The following PGM2 variants were observed in gnomAD, a reference collection of about 807,000 sequenced individuals.
PGM2 encodes phosphoglucomutase 2.
PGM2 carries 57 observed loss-of-function variants against 74.6 expected under a neutral mutation model. The observed-to-expected ratio is 0.76, with a 90% confidence interval of 0.62 to 0.95. The LOEUF (loss-of-function observed/expected upper bound fraction) is 0.95, where lower values mean the gene tolerates loss of function less well. PGM2 is among the 40% of genes least tolerant of loss of function. The pLI is 0.00. For synonymous variants in PGM2, 273 were observed against 260.7 expected (o/e 1.05, Z -0.46); for missense variants, 706 against 741.9 (o/e 0.95, Z 0.56).
rs1430228977 is a variant in PGM2 at position 37,851,961 on chromosome 4, G to GTTTTCTTTCT, written c.1602+1591_1602+1592insTCTTTCTTTT. On this transcript the variant is annotated intron_variant, in intron 12 of 13. Coordinates refer to ENST00000381967, the MANE Select transcript of PGM2 (RefSeq NM_018290.4). ...ATTGTATTTCCTGTACCTTTTGTTT[G>GTTTTCTTTCT]TTTGTTTTCTTTTTTTTTGGAGACA... Among the ~76,000 whole-genome samples the GTTTTCTTTCT allele has an allele frequency of 1.6e-3, 213 of 135,400 alleles. 28 individuals are homozygous for GTTTTCTTTCT. Among genetic ancestry groups the GTTTTCTTTCT allele is most frequent in the South Asian group, 2.3e-3 (10 of 4,432 alleles). The allele number at this position is 135,400 out of a possible 152,430, so 88.8% of individuals were successfully genotyped here.
rs1725482150 is a variant in PGM2 at position 37,833,283 on chromosome 4, T to C, written c.250-1335T>C. On this transcript the variant is annotated intron_variant, in intron 2 of 13. Coordinates refer to ENST00000381967, the MANE Select transcript of PGM2 (RefSeq NM_018290.4). ...CAAAATAAAAATTATGGCTTGGACATGGTGGCTCATGCCTGTAATCCGAGC... is the reference window on the plus strand; with the variant it reads ...CAAAATAAAAATTATGGCTTGGACACGGTGGCTCATGCCTGTAATCCGAGC... Among the ~76,000 whole-genome samples, 3 of 152,224 alleles carry C rather than the reference T, an allele frequency of 2.0e-5. No individual in the cohort carries two copies. In the South Asian group the frequency reaches 6.2e-4, roughly 31 times the overall value.
intron 1 of PGM2, among the ~76,000 whole-genome samples, chr4:37,827,802 G>C (rs933504946): frequency 6.6e-6 from 1 of 152,092 alleles, no homozygotes; most frequent in Non-Finnish European, 1.5e-5. Context: ...CAGGACTCGC[G>C]CTCCTTGAAG....
chr4:37,840,221 T>G lies in PGM2; in HGVS notation c.681T>G (p.Asn227Lys). ...LLHNPSASIN[N>K]DYFEDLKKYC... Reference sequence around the variant, plus strand: ...ACAATCCGAGTGCTTCCATCAATAATGACTACTTTGAAGACCTTAAAAAGT... The same window carrying G: ...ACAATCCGAGTGCTTCCATCAATAAGGACTACTTTGAAGACCTTAAAAAGT... The change falls in exon 6 of 14, where the codon AAT (asparagine) becomes AAG (lysine). Residue 227 changes from asparagine to lysine, a missense_variant. Physicochemically the swap from Asn to Lys is moderately conservative, Grantham distance 94. Around this residue, in one of 3 missense-constraint regions of PGM2, gnomAD observed 332 missense variants for 334.9 expected, o/e 0.99. Transcript: ENST00000381967. 1 of 1,612,470 alleles carries G rather than the reference T, an allele frequency of 6.2e-7. No homozygotes were observed. The highest frequency in any genetic ancestry group is 8.5e-7 in the Non-Finnish European group (1 of 1,178,466).
At chr4:37,844,212 A>AATATAT in intron 6 of PGM2, 152 bp from the exon 7 acceptor site, 1 of 499,912 alleles carries the variant, frequency 2.0e-6, no homozygotes, top group Non-Finnish European at 3.6e-6. Context: ...TGAGGGAAGG[A>AATATAT]ATATATATAT....
chr4:37,831,387 T>C (rs1281382793), intron 2 of PGM2, among the ~76,000 whole-genome samples: 1 of 152,184 alleles, frequency 6.6e-6, no homozygotes, highest in Non-Finnish European at 1.5e-5. Flanking sequence ...TAGGGCTATG[T>C]AACAAATCAT....
chr4:37,829,899 A>G, intron 1 of PGM2, 65 bp from the exon 2 acceptor site: 1 of 894,518 alleles, frequency 1.1e-6, no homozygotes, highest in South Asian at 2.2e-5. Flanking sequence ...ATGATTGTGA[A>G]TTTTTTTACA....
intron 6 of PGM2, among the ~76,000 whole-genome samples, chr4:37,841,997 T>C (rs918444157): frequency 1.4e-4 from 21 of 152,204 alleles, no homozygotes; most frequent in Non-Finnish European, 2.6e-4. Flanking sequence ...GTTGACAGCA[T>C]ATGATACCTA....
Position 37,836,718 on chromosome 4 carries a change from G to A in PGM2, c.357-811G>A, listed in dbSNP as rs541806370. On this transcript the variant is annotated intron_variant, in intron 3 of 13. Coordinates refer to ENST00000381967, the MANE Select transcript of PGM2 (RefSeq NM_018290.4). ...AAATCGCTCATTTATTTGTGGTAAC[G>A]TATTTTACACCAGCTTGAAGGAAGA... Among the ~76,000 whole-genome samples the A allele has an allele frequency of 2.0e-3, 302 of 152,150 alleles. 4 individuals are homozygous for A. The highest frequency in any genetic ancestry group is 3.8e-3 in the Non-Finnish European group (258 of 68,014).
At chr4:37,858,285 TAAGC>T (rs1438106639) in intron 13 of PGM2, among the ~76,000 whole-genome samples, 2 of 152,124 alleles carry the variant, frequency 1.3e-5, no homozygotes, top group African/African-American at 2.4e-5. Flanking sequence ...GGTCACGGCT[TAAGC>T]AAGGCACCAG....
chr4:37,834,770 C>A (rs752168001), intron 3 of PGM2, 46 bp downstream of exon 3: 7 of 961,304 alleles, frequency 7.3e-6, no homozygotes, highest in African/African-American at 6.7e-5. Flanking sequence ...ATTTATTTTG[C>A]AGTTTTATTT....
intron 13 of PGM2, among the ~76,000 whole-genome samples, chr4:37,856,161 G>A (rs1048020627): frequency 3.8e-4 from 58 of 151,938 alleles, no homozygotes; most frequent in Admixed American, 2.9e-3. Context: ...CGAGGCAGGC[G>A]GATCACGAGG....
intron 2 of PGM2, among the ~76,000 whole-genome samples, chr4:37,834,174 A>G (rs1457549928): frequency 6.6e-6 from 1 of 152,126 alleles, no homozygotes; most frequent in East Asian, 1.9e-4. Flanking sequence ...TCTACAAAAA[A>G]TTTTTAAAAA....
rs927902207 is a variant in PGM2 at position 37,829,630 on chromosome 4, A to G, written c.82-334A>G. 7.9e-5 allele frequency among the ~76,000 whole-genome samples: 12 copies of G among 152,164 alleles called. 1 individual carries two copies. The highest frequency in any genetic ancestry group is 6.5e-4 in the Admixed American group (10 of 15,270). On this transcript the variant is annotated intron_variant, in intron 1 of 13. Coordinates refer to ENST00000381967, the MANE Select transcript of PGM2 (RefSeq NM_018290.4). ...TTATTCCCATTTTGCAAATAGGGAAACAGAATTTGAGAACTGGAATAATCT... is the reference window on the plus strand; with the variant it reads ...TTATTCCCATTTTGCAAATAGGGAAGCAGAATTTGAGAACTGGAATAATCT...
intron 10 of PGM2, among the ~76,000 whole-genome samples, chr4:37,848,117 A>G (rs1159352464): frequency 6.6e-6 from 1 of 152,228 alleles, no homozygotes; most frequent in Non-Finnish European, 1.5e-5. Flanking sequence ...ACCTTAGCCT[A>G]CAGCAGCTTA....
intron 12 of PGM2, among the ~76,000 whole-genome samples, chr4:37,855,335 A>C (rs1170031506): frequency 6.6e-6 from 1 of 152,132 alleles, no homozygotes; most frequent in Non-Finnish European, 1.5e-5. Flanking sequence ...ACTCAACATA[A>C]TGTCTTCCAG....
intron 3 of PGM2, among the ~76,000 whole-genome samples, chr4:37,835,977 A>G (rs1050047911): frequency 1.3e-5 from 2 of 152,238 alleles, no homozygotes; most frequent in African/African-American, 4.8e-5. Flanking sequence ...TGGATGTACA[A>G]TCAGAACTAA....
At chr4:37,829,700 C>T (rs1307288708) in intron 1 of PGM2, among the ~76,000 whole-genome samples, 2 of 152,134 alleles carry the variant, frequency 1.3e-5, no homozygotes, top group African/African-American at 4.8e-5. Context: ...GGATTCCATT[C>T]TGGGGGTTAG....
intron 11 of PGM2, among the ~76,000 whole-genome samples, chr4:37,849,632 C>T (rs543648908): frequency 2.4e-4 from 37 of 152,080 alleles, no homozygotes; most frequent in South Asian, 6.2e-4. Context: ...TGGTCTCAAA[C>T]GCCTAACCTC....
In PGM2 at chr4:37,850,554, A is replaced by C. The variant is rs1726012889; in HGVS notation, c.1602+181A>C. On this transcript the variant is annotated intron_variant, in intron 12 of 13. Coordinates refer to ENST00000381967, the MANE Select transcript of PGM2 (RefSeq NM_018290.4). Reference sequence around the variant, plus strand: ...GGTGGCTCATGCCTATAATTCCAGCACTTTGGGAGGTTGAGGTGGGCAAAT... The same window carrying C: ...GGTGGCTCATGCCTATAATTCCAGCCCTTTGGGAGGTTGAGGTGGGCAAAT... Among the ~76,000 whole-genome samples the C allele has an allele frequency of 2.6e-5, 4 of 152,066 alleles. No individual in the cohort carries two copies. The South Asian group carries it at 8.3e-4, about 32-fold the overall frequency.
Sources: gnomAD v4.1 joint callset for allele counts (sites outside exome capture counted in the v4.1 genomes callset) on GRCh38, gnomAD v4.1.1 for gene constraint, gnomAD v4.1.1 regional missense constraint, MANE v1.5 for transcripts, NCBI Gene and HGNC (gene_info 2026-07-23, HGNC 2026-07-21) for gene names.